Variants in KCND3 observed in about 807,000 individuals in gnomAD.
KCND3 encodes A-type voltage-gated potassium channel KCND3.
A neutral mutation model predicts 51.1 loss-of-function variants in KCND3; 9 were observed. That is an observed-to-expected ratio of 0.18 (90% CI 0.11 to 0.31). The LOEUF (loss-of-function observed/expected upper bound fraction) is 0.31. KCND3 is among the 10% of genes least tolerant of loss of function. The pLI is 1.00. For missense variants in KCND3, 526 were observed against 903.8 expected (o/e 0.58, Z 5.36); for synonymous variants, 349 against 368.0 (o/e 0.95, Z 0.59).
intron 2 of KCND3, among the ~76,000 whole-genome samples, chr1:111,838,966 C>A (rs1481481445): frequency 6.6e-6 from 1 of 152,118 alleles, no homozygotes; most frequent in South Asian, 2.1e-4. Context: ...AAATACCCTA[C>A]TAGGAAAAGG....
intron 2 of KCND3, among the ~76,000 whole-genome samples, chr1:111,854,981 T>C (rs1667994540): frequency 6.6e-6 from 1 of 152,168 alleles, no homozygotes; most frequent in African/African-American, 2.4e-5. Context: ...CGGCATCCTG[T>C]CACAGAGTAA....
intron 2 of KCND3, among the ~76,000 whole-genome samples, chr1:111,896,075 A>G (rs1300660376): frequency 6.6e-6 from 1 of 152,208 alleles, no homozygotes; most frequent in East Asian, 1.9e-4. Context: ...ACGCGCGTTC[A>G]TTCACTTCTC....
chr1:111,934,723 G>C (rs1437357475), intron 2 of KCND3, among the ~76,000 whole-genome samples: 2 of 152,174 alleles, frequency 1.3e-5, no homozygotes, highest in African/African-American at 4.8e-5. Flanking sequence ...GCAAATAATG[G>C]GGCAGTTGCA....
chr1:111,897,236 C>T (rs1670162893), intron 2 of KCND3, among the ~76,000 whole-genome samples: 1 of 152,230 alleles, frequency 6.6e-6, no homozygotes. Flanking sequence ...GACAGTCCAA[C>T]AGTCCCAGGG....
chr1:111,887,238 T>G (rs1669611157), intron 2 of KCND3, among the ~76,000 whole-genome samples: 1 of 152,164 alleles, frequency 6.6e-6, no homozygotes, highest in Admixed American at 6.5e-5. Context: ...CATTGGGTAT[T>G]ATGCTTCCTG....
At chr1:111,827,777 G>A (rs907362662) in intron 2 of KCND3, among the ~76,000 whole-genome samples, 25 of 152,212 alleles carry the variant, frequency 1.6e-4, no homozygotes, top group African/African-American at 5.8e-4. Context: ...GGTGAGGAAT[G>A]TTGATATGAT....
intron 2 of KCND3, among the ~76,000 whole-genome samples, chr1:111,896,257 A>T (rs1044802976): frequency 6.6e-6 from 1 of 152,170 alleles, no homozygotes; most frequent in Non-Finnish European, 1.5e-5. Context: ...GTGGTGGTTG[A>T]GCACCTGCTT....
intron 2 of KCND3, among the ~76,000 whole-genome samples, chr1:111,855,468 G>A (rs1668022241): frequency 6.6e-6 from 1 of 152,180 alleles, no homozygotes; most frequent in African/African-American, 2.4e-5. Flanking sequence ...GATGGTCCTT[G>A]AGCTGAGTCT....
chr1:111,801,150 C>T (rs777767085), intron 2 of KCND3, among the ~76,000 whole-genome samples: 1 of 152,242 alleles, frequency 6.6e-6, no homozygotes, highest in Non-Finnish European at 1.5e-5. Context: ...CTCAACTGCA[C>T]AGTAGAGCAA....
At chr1:111,837,709 G>A (rs1234027021) in intron 2 of KCND3, among the ~76,000 whole-genome samples, 1 of 152,166 alleles carries the variant, frequency 6.6e-6, no homozygotes, top group Non-Finnish European at 1.5e-5. Context: ...ACCGTGGATT[G>A]AGACTGTGGT....
At chr1:111,966,846 A>C (rs1169258017) in intron 2 of KCND3, among the ~76,000 whole-genome samples, 1 of 152,200 alleles carries the variant, frequency 6.6e-6, no homozygotes, top group African/African-American at 2.4e-5. Context: ...AACTGCATCA[A>C]AAAGGGTAAA....
intron 2 of KCND3, among the ~76,000 whole-genome samples, chr1:111,959,280 A>G (rs1278423196): frequency 1.3e-5 from 2 of 152,136 alleles, no homozygotes; most frequent in African/African-American, 2.4e-5. Flanking sequence ...TTTCTTTGCT[A>G]TAGTTACTCA....
chr1:111,828,812 C>T (rs922712937), intron 2 of KCND3, among the ~76,000 whole-genome samples: 1 of 152,198 alleles, frequency 6.6e-6, no homozygotes, highest in Non-Finnish European at 1.5e-5. Context: ...GCCCCTGGAA[C>T]CAAGGTACTG....
At chr1:111,898,736 G>T (rs1270085954) in intron 2 of KCND3, among the ~76,000 whole-genome samples, 1 of 152,140 alleles carries the variant, frequency 6.6e-6, no homozygotes, top group Non-Finnish European at 1.5e-5. Context: ...AGAAAGAGGG[G>T]AAACAGCAGA....
chr1:111,876,126 G>T (rs1162525298), intron 2 of KCND3, among the ~76,000 whole-genome samples: 1 of 152,202 alleles, frequency 6.6e-6, no homozygotes, highest in Non-Finnish European at 1.5e-5. Context: ...TTATATAATA[G>T]CTCAAGGGCT....
At chr1:111,817,344 A>G (rs1188913100) in intron 2 of KCND3, among the ~76,000 whole-genome samples, 3 of 152,208 alleles carry the variant, frequency 2.0e-5, no homozygotes, top group African/African-American at 7.2e-5. Context: ...ACTCTTTGGG[A>G]AAGTGACTTG....
intron 2 of KCND3, among the ~76,000 whole-genome samples, chr1:111,876,927 C>T (rs989739127): frequency 1.3e-5 from 2 of 152,182 alleles, no homozygotes; most frequent in Non-Finnish European, 2.9e-5. Flanking sequence ...CCTTCGGCAT[C>T]GTTCTCTCTC....
At chr1:111,796,635 AG>A (rs1665069708) in intron 2 of KCND3, among the ~76,000 whole-genome samples, 1 of 152,198 alleles carries the variant, frequency 6.6e-6, no homozygotes, top group Non-Finnish European at 1.5e-5. Flanking sequence ...TGGAGGGTGG[AG>A]GAGGGAGAGG....
chr1:111,900,262 C>A (rs1015555805), intron 2 of KCND3, among the ~76,000 whole-genome samples: 5 of 152,146 alleles, frequency 3.3e-5, no homozygotes, highest in African/African-American at 1.2e-4. Context: ...CTGGAAAGCC[C>A]CAGTGATGCT....
Sources: gnomAD v4.1 joint callset for allele counts (sites outside exome capture counted in the v4.1 genomes callset) on GRCh38, gnomAD v4.1.1 for gene constraint, MANE v1.5 for transcripts, NCBI Gene and HGNC (gene_info 2026-07-23, HGNC 2026-07-21) for gene names.